ADAMTSL1: variants seen among roughly 807,000 people sequenced by gnomAD.
The protein encoded by ADAMTSL1 is ADAMTS-like protein 1.
In ADAMTSL1, 126 loss-of-function variants were observed where a neutral mutation model predicts 201.8. The observed-to-expected ratio is 0.62, with a 90% CI of 0.54 to 0.72. The LOEUF is 0.72. Among genes scored for constraint, ADAMTSL1 ranks in the 30% least tolerant of loss-of-function variants. The pLI is 0.00. For synonymous variants in ADAMTSL1, 1,121 were observed against 903.4 expected, an observed-to-expected ratio of 1.24 and a Z score of -4.32; for missense variants, 2,679 against 2,277.8, an observed-to-expected ratio of 1.18 and a Z score of -3.59.
chr9:18,842,980 C>G (rs1436629297), intron 23 of ADAMTSL1, among the ~76,000 whole-genome samples: 1 of 152,116 alleles, frequency 6.6e-6, no homozygotes, highest in African/African-American at 2.4e-5. Context: ...GGTCTTGACT[C>G]TTTATCCAAT....
intron 2 of ADAMTSL1, among the ~76,000 whole-genome samples, chr9:18,262,466 G>A (rs756833462): frequency 3.6e-4 from 55 of 152,150 alleles, no homozygotes; most frequent in Non-Finnish European, 7.1e-4. Context: ...TACACTGTTG[G>A]CCAAAGAAAG....
At chr9:17,922,744 G>C (rs1476523180) in intron 1 of ADAMTSL1, among the ~76,000 whole-genome samples, 2 of 151,984 alleles carry the variant, frequency 1.3e-5, no homozygotes, top group Admixed American at 1.3e-4. Flanking sequence ...TTTCCCATCA[G>C]AGCATACGCT....
intron 9 of ADAMTSL1, among the ~76,000 whole-genome samples, chr9:18,662,456 A>G (rs892340415): frequency 6.6e-6 from 1 of 152,144 alleles, no homozygotes; most frequent in Non-Finnish European, 1.5e-5. Flanking sequence ...TTTTATCTCT[A>G]TTCCCGATCA....
intron 7 of ADAMTSL1, among the ~76,000 whole-genome samples, chr9:18,649,678 C>T (rs76383563): frequency 6.6e-6 from 1 of 152,166 alleles, no homozygotes; most frequent in Non-Finnish European, 1.5e-5. Context: ...GCCTGGGTAT[C>T]AGCAGCGGTG....
intron 1 of ADAMTSL1, among the ~76,000 whole-genome samples, chr9:18,012,539 A>C (rs1010194656): frequency 6.6e-6 from 1 of 152,064 alleles, no homozygotes; most frequent in Non-Finnish European, 1.5e-5. Flanking sequence ...CAAGACTCGT[A>C]CGTGAACATT....
At chr9:18,826,602 A>G in intron 22 of ADAMTSL1, 139 bp downstream of exon 22, 1 of 1,063,198 alleles carries the variant, frequency 9.4e-7, no homozygotes, top group Non-Finnish European at 1.3e-6. Context: ...TTCCCAATTT[A>G]GGGCCTTTCG....
chr9:18,359,179 C>A (rs979639487), intron 2 of ADAMTSL1, among the ~76,000 whole-genome samples: 1 of 152,068 alleles, frequency 6.6e-6, no homozygotes, highest in Non-Finnish European at 1.5e-5. Context: ...TTTTTTAGTA[C>A]AAAATAAGCT....
At position 17,927,407 on chromosome 9, in the gene ADAMTSL1, T is replaced by A. The variant is rs547297761; in HGVS notation, c.87+20485T>A. On this transcript the variant is annotated intron_variant, in intron 1 of 29. Coordinates refer to the ADAMTSL1 transcript ENST00000680146. The stretch of plus-strand genomic sequence containing the variant: ...ACACATATACGTACATATATACATA[T>A]GTATGTGTATATACATGTATACATA... Among the ~76,000 whole-genome samples, 13 of 151,324 alleles carry A rather than the reference T, an allele frequency of 8.6e-5. No individual in the cohort carries two copies. In the South Asian group the frequency reaches 2.7e-3, roughly 31 times the overall value.
intron 2 of ADAMTSL1, among the ~76,000 whole-genome samples, chr9:18,433,880 C>T (rs1408761168): frequency 2.0e-5 from 3 of 152,154 alleles, no homozygotes. Context: ...CTACTGGATT[C>T]AATACAGAAT....
chr9:18,636,067 T>G, intron 6 of ADAMTSL1, 50 bp downstream of exon 6: 23 of 1,416,806 alleles, frequency 1.6e-5, no homozygotes, highest in Non-Finnish European at 2.2e-5. Flanking sequence ...GTAGTCATTA[T>G]TATTTATTTT....
At chr9:18,578,604 G>T (rs1238336505) in intron 4 of ADAMTSL1, among the ~76,000 whole-genome samples, 2 of 152,232 alleles carry the variant, frequency 1.3e-5, no homozygotes, top group Non-Finnish European at 2.9e-5. Context: ...TCTGCAAAAT[G>T]AGGATAATAA....
chr9:18,659,414 C>T (rs1455598710), intron 8 of ADAMTSL1, among the ~76,000 whole-genome samples: 2 of 152,246 alleles, frequency 1.3e-5, no homozygotes, highest in South Asian at 4.1e-4. Context: ...CAATTCAACA[C>T]TTTAAGCATT....
chr9:18,343,452 C>T (rs1835562321), intron 2 of ADAMTSL1, among the ~76,000 whole-genome samples: 1 of 152,178 alleles, frequency 6.6e-6, no homozygotes, highest in South Asian at 2.1e-4. Context: ...AAGCACAAGT[C>T]CAGCAGGAGC....
At chr9:18,871,895 C>T (rs1394723806) in intron 23 of ADAMTSL1, among the ~76,000 whole-genome samples, 1 of 152,154 alleles carries the variant, frequency 6.6e-6, no homozygotes, top group Non-Finnish European at 1.5e-5. Flanking sequence ...AATACCACTT[C>T]CCGTCTTCAG....
intron 3 of ADAMTSL1, among the ~76,000 whole-genome samples, chr9:18,558,518 T>C (rs2132264431): frequency 6.6e-6 from 1 of 152,340 alleles, no homozygotes; most frequent in South Asian, 2.1e-4. Context: ...CCTTTGGGTA[T>C]ATACCAAGTA....
In ADAMTSL1 at chr9:18,846,796, A is replaced by T. The variant is rs181986283; in HGVS notation, c.4249+16819A>T. Reference sequence around the variant, plus strand: ...GTAGATGAATTCAGGGATCTGTAAGAGGTAACTTCAACGGGACTTGGTAAA... The same window carrying T: ...GTAGATGAATTCAGGGATCTGTAAGTGGTAACTTCAACGGGACTTGGTAAA... On this transcript the variant is annotated intron_variant, in intron 23 of 28. Coordinates refer to ENST00000380548, the MANE Select transcript of ADAMTSL1 (RefSeq NM_001040272.6). Among the ~76,000 whole-genome samples, 39 of 152,312 alleles carry T rather than the reference A, an allele frequency of 2.6e-4. No individual in the cohort carries two copies. The East Asian group carries it at 7.5e-3, about 29-fold the overall frequency.
chr9:18,899,055 C>T (rs1216815431), intron 26 of ADAMTSL1, among the ~76,000 whole-genome samples: 3 of 152,210 alleles, frequency 2.0e-5, no homozygotes, highest in African/African-American at 7.2e-5. Flanking sequence ...ATCCCATCGT[C>T]TCAGCCCAAA....
At chr9:18,599,841 CAG>C (rs947492374) in intron 4 of ADAMTSL1, among the ~76,000 whole-genome samples, 1 of 150,900 alleles carries the variant, frequency 6.6e-6, no homozygotes, top group African/African-American at 2.4e-5. Flanking sequence ...GGATTCAAAA[CAG>C]ATTTTTAATC....
chr9:18,202,420 A>G (rs1382850751), intron 2 of ADAMTSL1, among the ~76,000 whole-genome samples: 1 of 152,222 alleles, frequency 6.6e-6, no homozygotes, highest in African/African-American at 2.4e-5. Flanking sequence ...CTCAATCTTC[A>G]GTGGAGCTGG....
Sources: allele counts gnomAD v4.1 joint callset (sites outside exome capture counted in the v4.1 genomes callset), GRCh38; gene constraint gnomAD v4.1.1; transcripts MANE v1.5; gene names NCBI Gene and HGNC (gene_info 2026-07-23, HGNC 2026-07-21).